Variants in SEC24C observed in about 807,000 individuals in gnomAD.
The protein encoded by SEC24C is protein transport protein Sec24C.
Under a neutral mutation model 117.0 loss-of-function variants are expected in SEC24C, and 22 were observed. That is an observed-to-expected ratio of 0.19 (90% confidence interval 0.13 to 0.27). The LOEUF (loss-of-function observed/expected upper bound fraction) is 0.27. Ranked by LOEUF, SEC24C falls within the 10% of genes least tolerant of loss-of-function variation. The probability of loss-of-function intolerance (pLI) is 1.00; values close to 1 mark genes in which losing one functional copy is unlikely to be tolerated. For missense variants in SEC24C, 1,155 were observed against 1,375.1 expected, an observed-to-expected ratio of 0.84 and a Z score of 2.53; for synonymous variants, 506 against 529.4, an observed-to-expected ratio of 0.96 and a Z score of 0.61.
At chr10:73,762,875 T>G (rs2082818306) in intron 6 of SEC24C, among the ~76,000 whole-genome samples, 1 of 152,178 alleles carries the variant, frequency 6.6e-6, no homozygotes, top group Non-Finnish European at 1.5e-5. Context: ...GATTGAGCTA[T>G]AAGGATTGGG....
At chr10:73,749,538 T>C (rs1333437300) in intron 2 of SEC24C, among the ~76,000 whole-genome samples, 1 of 150,970 alleles carries the variant, frequency 6.6e-6, no homozygotes, top group African/African-American at 2.4e-5. Flanking sequence ...CTTTTCTTTT[T>C]CTTTTTTTTT....
At position 73,769,415 on chromosome 10, in the gene SEC24C, C is replaced by T. The variant is rs1392175668; in HGVS notation, c.2493C>T (p.Cys831=). The T allele has an allele frequency of 6.2e-7, 1 of 1,614,144 alleles. No homozygotes were observed. The highest frequency in any genetic ancestry group is 1.7e-5 in the Admixed American group (1 of 60,006). Residue 831 remains cysteine, a synonymous_variant, in exon 18 of 23, where the codon TGC becomes TGT. Coordinates refer to ENST00000345254, the MANE Select transcript of SEC24C (RefSeq NM_198597.3). The surrounding 1 kb of genome is among the most constrained non-coding windows in gnomAD (Gnocchi z 4.5). ...GCATCCATAATCTGGCCCTGAACTG[C>T]TGCACCCAGCTGGCTGATCTATATC... The part of the protein sequence containing the change: ...RLRIHNLALN[C]CTQLADLYRN...
In SEC24C at chr10:73,751,184, T is replaced by C; in HGVS notation, c.249T>C (p.Tyr83=). 6.2e-7 allele frequency: 1 copy of C among 1,614,220 alleles called. No homozygotes were observed. Among genetic ancestry groups the C allele is most frequent in the Non-Finnish European group, 8.5e-7 (1 of 1,180,038 alleles). Residue 83 remains tyrosine, a synonymous_variant, in exon 3 of 23, where the codon TAT becomes TAC. Coordinates refer to ENST00000345254, the MANE Select transcript of SEC24C (RefSeq NM_198597.3). The part of the protein sequence containing the change: ...TAQAPCGQAA[Y]GQFGQGDVQN... ...AGGCTCCTTGTGGCCAGGCTGCATA[T>C]GGCCAGTTTGGCCAAGGAGATGTAC... is the stretch of plus-strand genomic sequence containing the variant.
At chr10:73,770,626 A>G in intron 21 of SEC24C, 83 bp from the exon 22 acceptor site, 1 of 1,524,716 alleles carries the variant, frequency 6.6e-7, no homozygotes, top group African/African-American at 1.4e-5. Context: ...TGCCTGTTTC[A>G]GATGATGCAT....
At chr10:73,768,722 C>A in intron 15 of SEC24C, 88 bp from the exon 16 acceptor site, 1 of 1,201,048 alleles carries the variant, frequency 8.3e-7, no homozygotes, top group Non-Finnish European at 1.2e-6. Context: ...ATTAGGTGGC[C>A]TTGTAGAGTG....
At chr10:73,760,528 T>A (rs1445393661) in intron 5 of SEC24C, 142 bp downstream of exon 5, 1 of 1,192,808 alleles carries the variant, frequency 8.4e-7, no homozygotes, top group African/African-American at 1.5e-5. Flanking sequence ...ATTCCTAGGA[T>A]ATGGGGTTTG....
chr10:73,763,492 T>C lies in SEC24C; in HGVS notation c.990T>C (p.Ile330=). The C allele has an allele frequency of 1.2e-6, 2 of 1,603,440 alleles. No homozygotes were observed. Among genetic ancestry groups the C allele is most frequent in the East Asian group, 2.2e-5 (1 of 44,820 alleles). ...TCATTCATTGCACTTCTCTGCAGAT[T>C]CAGGTCATTGAAGATGACAGGAACA... The part of the protein sequence containing the change: ...RLDPDAIPSP[I]QVIEDDRNNR... The change falls in exon 7 of 23, where the codon ATT becomes ATC. Residue 330 remains isoleucine (I), a splice_region_variant and synonymous_variant. Coordinates refer to ENST00000345254, the MANE Select transcript of SEC24C (RefSeq NM_198597.3).
intron 3 of SEC24C, among the ~76,000 whole-genome samples, chr10:73,752,381 C>T (rs939204267): frequency 2.0e-5 from 3 of 152,148 alleles, no homozygotes; most frequent in African/African-American, 7.2e-5. Context: ...ACCTTGGCCT[C>T]CCAAAGTGCT....
In SEC24C at chr10:73,760,375, C is replaced by G; in HGVS notation, c.839C>G (p.Pro280Arg). 1 of 1,591,714 alleles carries G rather than the reference C, an allele frequency of 6.3e-7. No individual in the cohort carries two copies. The highest frequency in any genetic ancestry group is 2.2e-5 in the East Asian group (1 of 44,574). Residue 280 changes from proline to arginine, a missense_variant, in exon 5 of 23, where the codon CCC becomes CGC. By Grantham distance (103) the Pro-to-Arg change is moderately radical. This residue lies in a region of SEC24C where 396 missense variants were observed against 382.8 expected (regional missense o/e 1.03). Transcript: ENST00000345254. ...MHSPQQPGYQ[P>R]QQNGSFGPAR... ...TCCCCGCAGCAGCCAGGCTATCAGC[C>G]CCAACAAAATGGTGAGTCTTTCCCA...
chr10:73,749,498 C>G (rs1010870771), intron 2 of SEC24C, among the ~76,000 whole-genome samples: 1 of 150,532 alleles, frequency 6.6e-6, no homozygotes, highest in Non-Finnish European at 1.5e-5. Context: ...TGATGCTGTT[C>G]TAGGTTCAGT....
intron 3 of SEC24C, chr10:73,751,649 T>C (rs2082644516): frequency 6.6e-6 from 1 of 152,430 alleles, no homozygotes; most frequent in Admixed American, 6.5e-5. Context: ...TTTTCTCTCC[T>C]TTGCCTTTCT....
chr10:73,751,207 T>C lies in SEC24C; in HGVS notation c.272T>C (p.Val91Ala). ...TATGGCCAGTTTGGCCAAGGAGATG[T>C]ACAGAATGGGCCAAGCTCCACTGTT... ...AAYGQFGQGD[V>A]QNGPSSTVQM... The change falls in exon 3 of 23, where the codon GTA becomes GCA. Residue 91 changes from valine (V) to alanine (A), a missense_variant. Val to Ala is a moderately conservative substitution (Grantham distance 64, BLOSUM62 0). This residue lies in a region of SEC24C where 396 missense variants were observed against 382.8 expected (regional missense o/e 1.03). Transcript: ENST00000345254. 6 of 1,614,214 alleles carry C rather than the reference T, an allele frequency of 3.7e-6. No homozygotes were observed. The highest frequency in any genetic ancestry group is 5.1e-6 in the Non-Finnish European group (6 of 1,180,012).
intron 11 of SEC24C, 68 bp from the exon 12 acceptor site, chr10:73,766,282 C>T (rs1589526604): frequency 1.3e-6 from 2 of 1,583,024 alleles, no homozygotes; most frequent in East Asian, 4.5e-5. Flanking sequence ...AGAAATGTAG[C>T]TTGGTGTCAT....
intron 3 of SEC24C, among the ~76,000 whole-genome samples, chr10:73,752,904 A>G (rs1425422560): frequency 6.6e-6 from 1 of 152,176 alleles, no homozygotes; most frequent in Non-Finnish European, 1.5e-5. Flanking sequence ...CTCCTTTGTA[A>G]CTACAACTAC....
intron 3 of SEC24C, among the ~76,000 whole-genome samples, chr10:73,757,532 A>G (rs78799950): frequency 4.0e-5 from 6 of 150,016 alleles, no homozygotes; most frequent in Non-Finnish European, 3.0e-5. Context: ...AAAAAAAAAA[A>G]TCAATCTAGG....
At chr10:73,767,278 C>T in intron 14 of SEC24C, 108 bp downstream of exon 14, 1 of 712,516 alleles carries the variant, frequency 1.4e-6, no homozygotes, top group Non-Finnish European at 2.4e-6. Flanking sequence ...CTTTCAAATA[C>T]CATATCTGTG....
chr10:73,767,850 C>A lies in SEC24C; in HGVS notation c.2024C>A (p.Pro675His). ...CTTTCCCCCTAGACTCTGTTCCAGC[C>A]TCAGACAGGTGCCTATCAGACCCTG... ...NTDKEKTLFQ[P>H]QTGAYQTLAK... The change falls in exon 15 of 23, where the codon CCT becomes CAT. Residue 675 changes from proline (P) to histidine (H), a missense_variant. By Grantham distance (77) the Pro-to-His change is moderately conservative (BLOSUM62 -2). Coordinates refer to ENST00000345254, the MANE Select transcript of SEC24C (RefSeq NM_198597.3). The A allele has an allele frequency of 6.2e-7, 1 of 1,611,118 alleles. No homozygotes were observed. Among genetic ancestry groups the A allele is most frequent in the South Asian group, 1.1e-5 (1 of 90,434 alleles).
In SEC24C at chr10:73,760,383, A is replaced by C; in HGVS notation, c.847A>C (p.Asn283His). ...PQQPGYQPQQ[N>H]GSFGPARGPQ... ...GCAGCCAGGCTATCAGCCCCAACAA[A>C]ATGGTGAGTCTTTCCCAAGGTCTGT... Residue 283 changes from asparagine to histidine, a missense_variant, in exon 5 of 23, where the codon AAT (asparagine) becomes CAT (histidine). Coordinates refer to ENST00000345254, the MANE Select transcript of SEC24C (RefSeq NM_198597.3). The C allele has an allele frequency of 6.3e-7, 1 of 1,585,544 alleles. No individual in the cohort carries two copies. The highest frequency in any genetic ancestry group is 8.6e-7 in the Non-Finnish European group (1 of 1,167,154).
intron 6 of SEC24C, among the ~76,000 whole-genome samples, 165 bp downstream of exon 6, chr10:73,761,014 T>C (rs979667681): frequency 6.6e-6 from 1 of 152,238 alleles, no homozygotes; most frequent in Non-Finnish European, 1.5e-5. Flanking sequence ...CTTGAGGTTC[T>C]AGGAGTCTTT....
Sources: gnomAD v4.1 joint callset for allele counts (sites outside exome capture counted in the v4.1 genomes callset) on GRCh38, gnomAD v4.1.1 for gene constraint, gnomAD v4.1.1 regional missense constraint, Gnocchi (gnomAD v3.1) non-coding constraint, MANE v1.5 for transcripts, NCBI Gene and HGNC (gene_info 2026-07-23, HGNC 2026-07-21) for gene names.